Variants in GARNL3 observed in about 807,000 individuals in gnomAD.
GARNL3 encodes the protein GTPase-activating Rap/Ran-GAP domain-like protein 3.
A neutral mutation model predicts 125.0 loss-of-function variants in GARNL3; 63 were observed. The ratio of observed to expected loss-of-function variants is 0.50; its 90% CI spans 0.41 to 0.62. GARNL3 has a LOEUF of 0.62. Among genes scored for constraint, GARNL3 ranks in the 20% least tolerant of loss-of-function variants. The probability of loss-of-function intolerance (pLI) is 0.00; values close to 1 mark genes in which losing one functional copy is unlikely to be tolerated. For missense variants in GARNL3, 994 were observed against 1,244.0 expected (o/e 0.80, Z 3.02); for synonymous variants, 439 against 457.5 (o/e 0.96, Z 0.52).
intron 17 of GARNL3, 181 bp from the exon 18 acceptor site, chr9:127,353,665 C>T (rs1053554312): frequency 1.6e-6 from 1 of 615,318 alleles, no homozygotes; most frequent in Non-Finnish European, 2.9e-6. Flanking sequence ...AGTACTTCTT[C>T]CTGAGCTAGG....
At chr9:127,314,009 G>A (rs1327616841) in intron 4 of GARNL3, among the ~76,000 whole-genome samples, 1 of 152,170 alleles carries the variant, frequency 6.6e-6, no homozygotes, top group East Asian at 1.9e-4. Context: ...TGGAGTGACT[G>A]ATCCAACCTC....
intron 6 of GARNL3, among the ~76,000 whole-genome samples, chr9:127,323,273 A>G (rs1438940082): frequency 6.6e-6 from 1 of 152,240 alleles, no homozygotes; most frequent in Non-Finnish European, 1.5e-5. Context: ...GAACAAGAAT[A>G]TTTTAAAAAT....
chr9:127,355,258 G>T (rs746173940), intron 19 of GARNL3, 39 bp from the exon 20 acceptor site: 1 of 1,584,890 alleles, frequency 6.3e-7, no homozygotes, highest in South Asian at 1.1e-5. Flanking sequence ...TTCCACACCC[G>T]CATGTCATGT....
At chr9:127,340,289 T>G (rs534346274) in intron 13 of GARNL3, among the ~76,000 whole-genome samples, 11 of 152,256 alleles carry the variant, frequency 7.2e-5, no homozygotes, top group African/African-American at 2.6e-4. Flanking sequence ...TTCACTCTAC[T>G]GGTAATACCC....
upstream of GARNL3, chr9:127,264,401 T>C (rs929121356): frequency 5.5e-6 from 3 of 544,246 alleles, no homozygotes; most frequent in African/African-American, 4.1e-5. Flanking sequence ...TCTGGTCTTT[T>C]TTCATATTGC....
chr9:127,334,812 C>T lies in GARNL3; in HGVS notation c.770-418C>T, dbSNP rs182990964. On this transcript the variant is annotated intron_variant, in intron 9 of 27. Transcript: ENST00000373387. ...AGCCAATGACAAATTGAATCCAAGTCGGCCTCATTGTAAAGCCTTTGCTTT... is the reference window on the plus strand; with the variant it reads ...AGCCAATGACAAATTGAATCCAAGTTGGCCTCATTGTAAAGCCTTTGCTTT... 2.6e-5 allele frequency among the ~76,000 whole-genome samples: 4 copies of T among 152,334 alleles called. No individual in the cohort carries two copies. In the East Asian group the frequency reaches 5.8e-4, roughly 22 times the overall value.
chr9:127,250,699 G>A (rs947583550), intron 2 of GARNL3, among the ~76,000 whole-genome samples: 2 of 152,198 alleles, frequency 1.3e-5, no homozygotes, highest in African/African-American at 4.8e-5. Flanking sequence ...TTCAGGGAGG[G>A]AGGTGGACTG....
In GARNL3 at chr9:127,318,260, C is replaced by T. The variant is rs2065295299; in HGVS notation, c.503+133C>T. 4.3e-6 allele frequency: 3 copies of T among 701,734 alleles called. No homozygotes were observed. The Admixed American group carries it at 6.0e-5, about 14-fold the overall frequency. 43.5% of individuals were successfully genotyped at this position (701,734 alleles called of 1,614,324 possible). On this transcript the variant is annotated intron_variant, in intron 5 of 27. Transcript: ENST00000373387. ...TGTGTGTAAGATGTTTTGCTAAGCA[C>T]TTGACATGACGTGCATCACCTCGTG...
At chr9:127,258,991 G>T (rs1178491463), upstream of GARNL3, among the ~76,000 whole-genome samples, 2 of 152,144 alleles carry the variant, frequency 1.3e-5, no homozygotes, top group Non-Finnish European at 2.9e-5. Context: ...CTCCCTTGTC[G>T]CTGTTGCCCT....
At chr9:127,313,589 A>G in intron 4 of GARNL3, 30 bp downstream of exon 4, 1 of 1,400,000 alleles carries the variant, frequency 7.1e-7, no homozygotes, top group South Asian at 1.2e-5. Context: ...TTGAAGCAAA[A>G]TTTATGCATC....
Position 127,338,266 on chromosome 9 carries a change from A to G in GARNL3, c.1028+105A>G, listed in dbSNP as rs760799764. 1.3e-5 allele frequency: 12 copies of G among 917,186 alleles called. No individual in the cohort carries two copies. The Admixed American group carries it at 1.8e-4, about 13-fold the overall frequency. The allele number at this position is 917,186 out of a possible 1,614,324, so 56.8% of individuals were successfully genotyped here. ...ATATACATATTTCTTGATTGATTTA[A>G]TATGAGTGCCTGCACCTTACAAAAC... On this transcript the variant is annotated intron_variant, in intron 12 of 27. Coordinates refer to ENST00000373387, the MANE Select transcript of GARNL3 (RefSeq NM_032293.5).
At chr9:127,331,600 C>T (rs1422432918) in intron 7 of GARNL3, among the ~76,000 whole-genome samples, 2 of 151,900 alleles carry the variant, frequency 1.3e-5, no homozygotes, top group Non-Finnish European at 1.5e-5. Flanking sequence ...CTCTGTCTTC[C>T]TCCCTTCCCT....
At chr9:127,313,752 T>C (rs930432536) in intron 4 of GARNL3, among the ~76,000 whole-genome samples, 193 bp downstream of exon 4, 2 of 150,922 alleles carry the variant, frequency 1.3e-5, no homozygotes, top group African/African-American at 2.5e-5. Context: ...TTTCTGGCCT[T>C]TTGAAAAAAA....
chr9:127,358,798 T>C (rs529475867), intron 21 of GARNL3, among the ~76,000 whole-genome samples: 1 of 152,150 alleles, frequency 6.6e-6, no homozygotes, highest in South Asian at 2.1e-4. Context: ...GGGTCTGGGG[T>C]GTGGCATGGG....
At chr9:127,286,683 T>A (rs765847072) in intron 1 of GARNL3, among the ~76,000 whole-genome samples, 3 of 152,240 alleles carry the variant, frequency 2.0e-5, no homozygotes, top group Non-Finnish European at 4.4e-5. Flanking sequence ...AGATTCAATA[T>A]GCTCCCAAAT....
At chr9:127,262,157 G>A (rs367742743), upstream of GARNL3, among the ~76,000 whole-genome samples, 98 of 152,174 alleles carry the variant, frequency 6.4e-4, no homozygotes, top group African/African-American at 2.3e-3. Context: ...TTGCTATTGC[G>A]GCACCCCACT....
chr9:127,297,920 T>C (rs1030158602), intron 2 of GARNL3, among the ~76,000 whole-genome samples: 1 of 152,256 alleles, frequency 6.6e-6, no homozygotes, highest in Non-Finnish European at 1.5e-5. Flanking sequence ...TCGAATGTAC[T>C]CATTAAAACT....
At chr9:127,275,750 G>A (rs1239104046) in intron 1 of GARNL3, among the ~76,000 whole-genome samples, 1 of 152,170 alleles carries the variant, frequency 6.6e-6, no homozygotes, top group Non-Finnish European at 1.5e-5. Flanking sequence ...TGAGCTATAA[G>A]TAATATTTTT....
intron 15 of GARNL3, 36 bp downstream of exon 15, chr9:127,344,375 G>A (rs1280113865): frequency 7.3e-7 from 1 of 1,375,636 alleles, no homozygotes; most frequent in Non-Finnish European, 1.0e-6. Context: ...TGCGAGACAT[G>A]TAGTTTTGAG....
Sources: gnomAD v4.1 joint callset for allele counts (sites outside exome capture counted in the v4.1 genomes callset) on GRCh38, gnomAD v4.1.1 for gene constraint, MANE v1.5 for transcripts, NCBI Gene and HGNC (gene_info 2026-07-23, HGNC 2026-07-21) for gene names.